The following PEX13 variants were observed in gnomAD, a reference collection of about 807,000 sequenced individuals.
The protein encoded by PEX13 is peroxisome biogenesis factor 13.
PEX13 carries 28 observed loss-of-function variants against 34.5 expected under a neutral mutation model. The ratio of observed to expected loss-of-function variants is 0.81; its 90% confidence interval spans 0.60 to 1.11. The LOEUF is 1.11. Among genes scored for constraint, PEX13 ranks in the 50% most tolerant of loss-of-function variants. The pLI is 0.00. For missense variants in PEX13, 550 were observed against 491.0 expected (o/e 1.12, Z -1.13); for synonymous variants, 177 against 175.1 (o/e 1.01, Z -0.09).
chr2:61,039,461 T>G (rs1680584744), intron 2 of PEX13, among the ~76,000 whole-genome samples: 1 of 152,136 alleles, frequency 6.6e-6, no homozygotes, highest in African/African-American at 2.4e-5. Context: ...CATCTGATCT[T>G]TGACAAACCT....
chr2:61,048,978 G>A lies in PEX13; in HGVS notation c.*208G>A. 1 of 562,896 alleles carries A rather than the reference G, an allele frequency of 1.8e-6. No homozygotes were observed. Among genetic ancestry groups the A allele is most frequent in the African/African-American group, 1.9e-5 (1 of 53,352 alleles). The allele number at this position is 562,896 out of a possible 1,614,324, so 34.9% of individuals were successfully genotyped here. On this transcript the variant is annotated 3_prime_UTR_variant, in exon 4 of 4. Coordinates refer to ENST00000295030, the MANE Select transcript of PEX13 (RefSeq NM_002618.4). ...ATTATACACATTATTGGACCATAAG[G>A]ACATTTGTTTCACCTAGATTTTAAG...
chr2:61,030,185 C>G (rs1311259009), intron 1 of PEX13, among the ~76,000 whole-genome samples: 4 of 152,102 alleles, frequency 2.6e-5, no homozygotes, highest in Non-Finnish European at 5.9e-5. Context: ...TTGTATGAGT[C>G]CATTTACCAT....
chr2:61,038,510 G>T (rs1680571087), intron 2 of PEX13, among the ~76,000 whole-genome samples: 1 of 152,164 alleles, frequency 6.6e-6, no homozygotes, highest in South Asian at 2.1e-4. Context: ...AAAACCAAAT[G>T]ATTATCTCAA....
At chr2:61,018,210 G>C (rs1680144476) in intron 1 of PEX13, 6 of 1,551,016 alleles carry the variant, frequency 3.9e-6, no homozygotes, top group Non-Finnish European at 8.7e-7. Flanking sequence ...TAGCAGTTGA[G>C]AGCGGCATTT....
intron 2 of PEX13, among the ~76,000 whole-genome samples, chr2:61,038,368 C>A (rs776753799): frequency 6.6e-5 from 10 of 152,314 alleles, no homozygotes; most frequent in Non-Finnish European, 1.2e-4. Flanking sequence ...AAAATATTGG[C>A]CAACCGAATC....
intron 3 of PEX13, among the ~76,000 whole-genome samples, chr2:61,046,691 A>G (rs534352783): frequency 2.0e-5 from 3 of 152,324 alleles, no homozygotes; most frequent in African/African-American, 7.2e-5. Flanking sequence ...CAGTATCACA[A>G]AGCAAAGGTG....
rs755008779 is a variant in PEX13 at position 61,048,577 on chromosome 2, G to C, written c.1019G>C (p.Arg340Thr). 5.0e-6 allele frequency: 8 copies of C among 1,613,988 alleles called. No homozygotes were observed. Among genetic ancestry groups the C allele is most frequent in the Admixed American group, 1.7e-5 (1 of 59,992 alleles). ...AAAATTCTTGGCAAAAGAAAAGGTA[G>C]GAAAACGGTGGAATCAAGTAAAGTT... The part of the protein sequence containing the change: ...YVKILGKRKG[R>T]KTVESSKVSK... The change falls in exon 4 of 4, where the codon AGG (arginine) becomes ACG (threonine). Residue 340 changes from arginine to threonine, a missense_variant. Coordinates refer to ENST00000295030, the MANE Select transcript of PEX13 (RefSeq NM_002618.4).
intron 2 of PEX13, among the ~76,000 whole-genome samples, chr2:61,034,682 T>C (rs1463475863): frequency 6.6e-6 from 1 of 152,242 alleles, no homozygotes; most frequent in Non-Finnish European, 1.5e-5. Flanking sequence ...GCAGGTCCCA[T>C]GCCCACGGAG....
At chr2:61,021,445 G>A (rs921775157) in intron 1 of PEX13, among the ~76,000 whole-genome samples, 2 of 152,152 alleles carry the variant, frequency 1.3e-5, no homozygotes, top group Admixed American at 6.5e-5. Context: ...ATCAATCTGC[G>A]AGGCAGCAGC....
intron 1 of PEX13, among the ~76,000 whole-genome samples, chr2:61,023,937 C>T (rs1177980802): frequency 6.6e-6 from 1 of 152,028 alleles, no homozygotes; most frequent in Non-Finnish European, 1.5e-5. Flanking sequence ...GCTGGGACCA[C>T]AGGTAAGTGC....
intron 2 of PEX13, among the ~76,000 whole-genome samples, chr2:61,042,044 G>A (rs1375119850): frequency 6.6e-6 from 1 of 152,146 alleles, no homozygotes; most frequent in Non-Finnish European, 1.5e-5. Context: ...GGCCAAATCT[G>A]GCCTGCTCCT....
At chr2:61,019,451 AT>A (rs1328910511) in intron 1 of PEX13, among the ~76,000 whole-genome samples, 1 of 152,016 alleles carries the variant, frequency 6.6e-6, no homozygotes, top group Non-Finnish European at 1.5e-5. Flanking sequence ...AAATTGTCAT[AT>A]TTTATTGTTT....
intron 1 of PEX13, among the ~76,000 whole-genome samples, chr2:61,025,307 G>A (rs961591758): frequency 2.6e-5 from 4 of 151,004 alleles, no homozygotes; most frequent in Admixed American, 6.6e-5. Context: ...CTGACCTCAT[G>A]ATCCACCCAT....
At chr2:61,024,413 G>A (rs560469027) in intron 1 of PEX13, among the ~76,000 whole-genome samples, 3 of 152,134 alleles carry the variant, frequency 2.0e-5, no homozygotes, top group South Asian at 4.1e-4. Flanking sequence ...TCTCTTTTCT[G>A]TATTTATCCT....
At chr2:61,030,964 T>C (rs1163883339) in intron 1 of PEX13, among the ~76,000 whole-genome samples, 1 of 152,154 alleles carries the variant, frequency 6.6e-6, no homozygotes, top group African/African-American at 2.4e-5. Context: ...TACACACCTC[T>C]GTGAGTGTAC....
At chr2:61,048,103 C>T (rs955022057) in intron 3 of PEX13, among the ~76,000 whole-genome samples, 1 of 152,154 alleles carries the variant, frequency 6.6e-6, no homozygotes, top group Non-Finnish European at 1.5e-5. Context: ...TTATTCCTAA[C>T]TTACCCAGTT....
At chr2:61,026,300 A>G (rs1206313010) in intron 1 of PEX13, among the ~76,000 whole-genome samples, 1 of 148,790 alleles carries the variant, frequency 6.7e-6, no homozygotes, top group Non-Finnish European at 1.5e-5. Flanking sequence ...CTTGACCGGT[A>G]GTTGAAAAAC....
At chr2:61,048,215 A>C (rs1397096203) in intron 3 of PEX13, among the ~76,000 whole-genome samples, 1 of 152,220 alleles carries the variant, frequency 6.6e-6, no homozygotes, top group Non-Finnish European at 1.5e-5. Flanking sequence ...CTACTCTATG[A>C]ATGGACCAAC....
intron 2 of PEX13, among the ~76,000 whole-genome samples, chr2:61,037,188 G>T (rs969859384): frequency 1.3e-5 from 2 of 152,062 alleles, no homozygotes; most frequent in African/African-American, 4.8e-5. Context: ...GACTTTAACA[G>T]CCCACTGTCA....
Sources: allele counts gnomAD v4.1 joint callset (sites outside exome capture counted in the v4.1 genomes callset), GRCh38; gene constraint gnomAD v4.1.1; transcripts MANE v1.5; gene names NCBI Gene and HGNC (gene_info 2026-07-23, HGNC 2026-07-21).